The following CSMD1 variants were observed in gnomAD, a reference collection of about 807,000 sequenced individuals.
The protein encoded by CSMD1 is CUB and sushi domain-containing protein 1.
In CSMD1, 213 loss-of-function variants were observed where a neutral mutation model predicts 417.5. That is an observed-to-expected ratio of 0.51 (90% CI 0.46 to 0.57). CSMD1 has a LOEUF of 0.57. Among genes scored for constraint, CSMD1 ranks in the 20% least tolerant of loss-of-function variants. CSMD1 has a pLI of 0.00. For missense variants in CSMD1, 6,923 were observed against 4,529.7 expected (o/e 1.53, Z -15.17); for synonymous variants, 2,862 against 1,736.8 (o/e 1.65, Z -16.11).
intron 2 of CSMD1, among the ~76,000 whole-genome samples, chr8:4,444,837 G>C (rs1798688539): frequency 6.6e-6 from 1 of 152,160 alleles, no homozygotes. Context: ...GCCTTCAGGT[G>C]CAAATGACAA....
At position 4,259,889 on chromosome 8, in the gene CSMD1, G is replaced by A. The variant is rs147511816; in HGVS notation, c.415+160064C>T. Among the ~76,000 whole-genome samples the A allele has an allele frequency of 9.0e-3, 1,367 of 152,060 alleles. 17 individuals are homozygous for A. Among genetic ancestry groups the A allele is most frequent in the African/African-American group, 0.031 (1,277 of 41,450 alleles). On this transcript the variant is annotated intron_variant, in intron 3 of 69. Coordinates refer to ENST00000635120, the MANE Select transcript of CSMD1 (RefSeq NM_033225.6). ...TGCAGCTTAAGTTAATTTATTTTTT[G>A]CTACCGCATAGTCTCTTCTGTTGTA...
intron 3 of CSMD1, among the ~76,000 whole-genome samples, chr8:4,312,117 C>A (rs77626575): frequency 0.047 from 7,215 of 151,970 alleles, 389 homozygotes; most frequent in East Asian, 0.22. Flanking sequence ...ATCAATACCC[C>A]CCTTTTAAAA....
At chr8:3,021,681 CGGAATG>C (rs1809410133) in intron 51 of CSMD1, among the ~76,000 whole-genome samples, 1 of 120,738 alleles carries the variant, frequency 8.3e-6, no homozygotes, top group African/African-American at 2.7e-5. Flanking sequence ...CCACAGCGTC[CGGAATG>C]CACCTGCAAT....
At chr8:3,954,737 C>T (rs963886464) in intron 5 of CSMD1, among the ~76,000 whole-genome samples, 1 of 152,200 alleles carries the variant, frequency 6.6e-6, no homozygotes, top group Non-Finnish European at 1.5e-5. Context: ...ATGCGCAGAG[C>T]CCTCCTTGCC....
At chr8:3,889,416 C>T (rs1244375466) in intron 5 of CSMD1, among the ~76,000 whole-genome samples, 2 of 136,190 alleles carry the variant, frequency 1.5e-5, no homozygotes, top group African/African-American at 2.7e-5. Context: ...ATGCCTTCCA[C>T]ATTGTAGTCA....
intron 3 of CSMD1, among the ~76,000 whole-genome samples, chr8:4,084,436 C>A (rs1338372061): frequency 1.3e-5 from 2 of 152,060 alleles, no homozygotes; most frequent in Non-Finnish European, 2.9e-5. Context: ...TTCATTTCCA[C>A]CCTTTACATG....
intron 3 of CSMD1, among the ~76,000 whole-genome samples, chr8:4,076,023 A>G (rs1799802737): frequency 6.6e-6 from 1 of 152,146 alleles, no homozygotes; most frequent in South Asian, 2.1e-4. Context: ...TTTAATTCCT[A>G]TAAATATTAT....
chr8:3,410,393 C>G (rs1250375372), intron 12 of CSMD1, among the ~76,000 whole-genome samples: 1 of 152,184 alleles, frequency 6.6e-6, no homozygotes, highest in Admixed American at 6.5e-5. Flanking sequence ...ACCTAATTCT[C>G]ATTTTGAATC....
In CSMD1 at chr8:4,371,149, G is replaced by T. The variant is rs191104226; in HGVS notation, c.415+48804C>A. ...AGAGTTTCACAGTAGAACAAGTTGG[G>T]TATAGCTGAATGACTTTATTTCTGG... On this transcript the variant is annotated intron_variant, in intron 3 of 69. Transcript: ENST00000635120. 1.1e-3 allele frequency among the ~76,000 whole-genome samples: 170 copies of T among 152,244 alleles called. 2 individuals carry two copies. Among genetic ancestry groups the T allele is most frequent in the African/African-American group, 3.9e-3 (162 of 41,552 alleles).
intron 5 of CSMD1, among the ~76,000 whole-genome samples, chr8:3,942,430 G>T (rs1347653091): frequency 1.3e-5 from 2 of 151,958 alleles, no homozygotes; most frequent in East Asian, 3.9e-4. Context: ...TACATTTATG[G>T]TACCTGAACC....
intron 3 of CSMD1, among the ~76,000 whole-genome samples, chr8:4,407,227 A>G (rs1462887230): frequency 6.6e-6 from 1 of 152,220 alleles, no homozygotes; most frequent in Non-Finnish European, 1.5e-5. Context: ...CAGCTCTTCT[A>G]TGCCACAGGA....
intron 3 of CSMD1, among the ~76,000 whole-genome samples, chr8:4,161,285 C>G (rs529190670): frequency 6.6e-6 from 1 of 152,282 alleles, no homozygotes; most frequent in Admixed American, 6.5e-5. Flanking sequence ...ACATAACTCA[C>G]CAGCTACACA....
At position 3,965,864 on chromosome 8, in the gene CSMD1, G is replaced by C. The variant is rs538227210; in HGVS notation, c.818+32039C>G. ...GAACTCTTGACCTCATACTGTGCCA[G>C]CCTTGGCCTTTTGAAGTGCTAGGAC... On this transcript the variant is annotated intron_variant, in intron 5 of 69. Transcript: ENST00000635120. 2.6e-5 allele frequency among the ~76,000 whole-genome samples: 4 copies of C among 152,272 alleles called. No homozygotes were observed. The East Asian group carries it at 7.7e-4, about 29-fold the overall frequency.
At chr8:4,941,588 TTTTTTAA>T (rs1482726543) in intron 1 of CSMD1, among the ~76,000 whole-genome samples, 5 of 149,370 alleles carry the variant, frequency 3.3e-5, no homozygotes, top group Non-Finnish European at 3.0e-5. Context: ...ACAATCAGTT[TTTTTTAA>T]TTTTTAATTT....
intron 3 of CSMD1, among the ~76,000 whole-genome samples, chr8:4,266,313 G>T: frequency 9.6e-6 from 1 of 104,246 alleles, no homozygotes; most frequent in African/African-American, 2.6e-5. Flanking sequence ...AAACTGTCCA[G>T]GTCTTAGAAA....
chr8:4,074,250 A>G (rs1799707140), intron 3 of CSMD1, among the ~76,000 whole-genome samples: 1 of 152,096 alleles, frequency 6.6e-6, no homozygotes, highest in Non-Finnish European at 1.5e-5. Flanking sequence ...GAAAGCAAAA[A>G]CAAATTGTTT....
chr8:4,112,922 G>T (rs533414056), intron 3 of CSMD1, among the ~76,000 whole-genome samples: 2 of 152,142 alleles, frequency 1.3e-5, no homozygotes, highest in African/African-American at 4.8e-5. Context: ...TTCTCCAACA[G>T]TAAGTGCTCA....
intron 3 of CSMD1, among the ~76,000 whole-genome samples, chr8:4,397,360 C>G (rs777531958): frequency 6.6e-6 from 1 of 151,682 alleles, no homozygotes; most frequent in Non-Finnish European, 1.5e-5. Context: ...AAGAGGAAGT[C>G]GAAAAAGATA....
At chr8:3,445,586 G>A (rs985059276) in intron 12 of CSMD1, among the ~76,000 whole-genome samples, 3 of 152,078 alleles carry the variant, frequency 2.0e-5, no homozygotes, top group African/African-American at 4.8e-5. Flanking sequence ...ATGAATCAGT[G>A]CATCACAGAC....
Sources: allele counts gnomAD v4.1 joint callset (sites outside exome capture counted in the v4.1 genomes callset), GRCh38; gene constraint gnomAD v4.1.1; transcripts MANE v1.5; gene names NCBI Gene and HGNC (gene_info 2026-07-23, HGNC 2026-07-21).